EIF5B: variants seen among roughly 807,000 people sequenced by gnomAD.
EIF5B encodes the protein eIF-5B.
In EIF5B, 47 loss-of-function variants were observed where a neutral mutation model predicts 147.5. The ratio of observed to expected loss-of-function variants is 0.32; its 90% CI spans 0.25 to 0.41. The LOEUF (loss-of-function observed/expected upper bound fraction) is 0.41. Among genes scored for constraint, EIF5B ranks in the 10% least tolerant of loss-of-function variants. The pLI, the probability that EIF5B is intolerant of heterozygous loss-of-function variation, is 1.00. For missense variants in EIF5B, 1,064 were observed against 1,413.2 expected (o/e 0.75, Z 3.96); for synonymous variants, 455 against 456.2 (o/e 1.00, Z 0.03).
intron 8 of EIF5B, 99 bp from the exon 9 acceptor site, chr2:99,371,557 T>G (rs1674452582): frequency 6.6e-6 from 6 of 910,690 alleles, no homozygotes; most frequent in African/African-American, 1.7e-5. Flanking sequence ...AATTAAAACA[T>G]TCTTTTTTTA....
chr2:99,343,783 C>G (rs2094266289), intron 1 of EIF5B, among the ~76,000 whole-genome samples: 1 of 151,500 alleles, frequency 6.6e-6, no homozygotes, highest in Admixed American at 6.6e-5. Context: ...CACTGCACGT[C>G]AGCCTGGGTG....
intron 1 of EIF5B, among the ~76,000 whole-genome samples, chr2:99,340,169 A>G (rs2094256656): frequency 6.6e-6 from 1 of 152,162 alleles, no homozygotes; most frequent in East Asian, 1.9e-4. Context: ...TTGGTCTTCC[A>G]CATGAGATAT....
chr2:99,400,655 T>A lies in EIF5B; in HGVS notation c.*1241T>A, dbSNP rs1359368112. ...GGACATAATGTTCCCAGGAAAAAAA[T>A]CTTCAAGTGGGTGTGAGGGTGTTTC... On this transcript the variant is annotated 3_prime_UTR_variant, in exon 24 of 24. Coordinates refer to ENST00000289371, the MANE Select transcript of EIF5B (RefSeq NM_015904.4). The A allele has an allele frequency of 6.6e-6, 1 of 152,002 alleles. No homozygotes were observed. The highest frequency in any genetic ancestry group is 2.4e-5 in the African/African-American group (1 of 41,374). 9.4% of individuals were successfully genotyped at this position (152,002 alleles called of 1,614,324 possible).
In EIF5B at chr2:99,346,589, CTTT is replaced by C. The variant is rs773411395; in HGVS notation, c.35+9025_35+9027del. ...TTATTTTAGAACATAAGTTGTATCT[CTTT>C]TTTTTTTTTTTTTTTTTTTTTTTTG... On this transcript the variant is annotated intron_variant, in intron 1 of 23. Transcript: ENST00000289371. Among the ~76,000 whole-genome samples the C allele has an allele frequency of 2.1e-3, 130 of 61,656 alleles. 1 individual carries two copies. Among genetic ancestry groups the C allele is most frequent in the African/African-American group, 8.4e-3 (123 of 14,562 alleles). 40.4% of individuals were successfully genotyped at this position (61,656 alleles called of 152,430 possible).
At chr2:99,359,030 T>C (rs1674149743) in intron 1 of EIF5B, among the ~76,000 whole-genome samples, 1 of 152,172 alleles carries the variant, frequency 6.6e-6, no homozygotes, top group South Asian at 2.1e-4. Context: ...CTTTTAATTA[T>C]ATTTATAATA....
Position 99,371,731 on chromosome 2 carries a change from G to T in EIF5B, c.1552+1G>T. 2 of 1,612,194 alleles carry T rather than the reference G, an allele frequency of 1.2e-6. No individual in the cohort carries two copies. Among genetic ancestry groups the T allele is most frequent in the Non-Finnish European group, 1.7e-6 (2 of 1,178,994 alleles). The stretch of plus-strand genomic sequence containing the variant: ...GCCAGTGATGAGGAGACAGAAAAAG[G>T]TGAATACCTCATAAGCACACACTGA... On this transcript the variant is annotated splice_donor_variant, in intron 9 of 23. Coordinates refer to ENST00000289371, the MANE Select transcript of EIF5B (RefSeq NM_015904.4). LOFTEE classifies it high-confidence loss of function.
intron 21 of EIF5B, 132 bp downstream of exon 21, chr2:99,395,015 G>C (rs932545848): frequency 1.1e-6 from 1 of 882,072 alleles, no homozygotes. Context: ...TCCTGAAATG[G>C]TGTGTTACAA....
rs180955882 is a variant in EIF5B at position 99,355,651 on chromosome 2, C to T, written c.36-4585C>T. Among the ~76,000 whole-genome samples, 3 of 120,068 alleles carry T rather than the reference C, an allele frequency of 2.5e-5. No individual in the cohort carries two copies. In the Admixed American group the frequency reaches 3.5e-4, roughly 14 times the overall value. The allele number at this position is 120,068 out of a possible 152,430, so 78.8% of individuals were successfully genotyped here. On this transcript the variant is annotated intron_variant, in intron 1 of 23. Coordinates refer to ENST00000289371, the MANE Select transcript of EIF5B (RefSeq NM_015904.4). ...TTTTTGAGACAGAGTCTCATTCTGT[C>T]GCCCAGGCTGGAGTGCAGTGGTGTG...
chr2:99,369,594 G>A (rs1674400722), intron 8 of EIF5B, 113 bp downstream of exon 8: 1 of 738,870 alleles, frequency 1.4e-6, no homozygotes. Context: ...TAAGTATCTG[G>A]CTGGATGGCC....
rs1391474154 is a variant in EIF5B, at chr2:99,390,702, G to A, written c.2745G>A (p.Val915=). 2 of 1,599,768 alleles carry A rather than the reference G, an allele frequency of 1.3e-6. No individual in the cohort carries two copies. The highest frequency in any genetic ancestry group is 1.7e-5 in the Admixed American group (1 of 59,784). Reference sequence around the variant, plus strand: ...CTCCTCCTATGAAGGAATTACGAGTGAAGGTATGCTGAGGTGGGAAGCATT... The same window carrying A: ...CTCCTCCTATGAAGGAATTACGAGTAAAGGTATGCTGAGGTGGGAAGCATT... ...LLPPPMKELR[V]KNQYEKHKEV... The change falls in exon 17 of 24, where the codon GTG becomes GTA. Residue 915 remains valine, a synonymous_variant. Transcript: ENST00000289371.
Position 99,399,814 on chromosome 2 carries a change from T to C in EIF5B, c.*400T>C, listed in dbSNP as rs973040249. On this transcript the variant is annotated 3_prime_UTR_variant, in exon 24 of 24. Coordinates refer to ENST00000289371, the MANE Select transcript of EIF5B (RefSeq NM_015904.4). Reference sequence around the variant, plus strand: ...AGATTTTGTGATTCTTGGGACTTTTTTGACGTAAGAAATACTTCTTTATTT... The same window carrying C: ...AGATTTTGTGATTCTTGGGACTTTTCTGACGTAAGAAATACTTCTTTATTT... 1 of 157,294 alleles carries C rather than the reference T, an allele frequency of 6.4e-6. No individual in the cohort carries two copies. The highest frequency in any genetic ancestry group is 2.4e-5 in the African/African-American group (1 of 41,588). 9.7% of individuals were successfully genotyped at this position (157,294 alleles called of 1,614,324 possible).
intron 1 of EIF5B, among the ~76,000 whole-genome samples, chr2:99,339,122 C>A (rs961988107): frequency 6.6e-6 from 1 of 150,790 alleles, no homozygotes; most frequent in Non-Finnish European, 1.5e-5. Flanking sequence ...TCAAGCGATT[C>A]TCCTGCCTCA....
chr2:99,371,741 C>G lies in EIF5B; in HGVS notation c.1552+11C>G, dbSNP rs781596464. On this transcript the variant is annotated intron_variant, in intron 9 of 23. Transcript: ENST00000289371. ...AGGAGACAGAAAAAGGTGAATACCT[C>G]ATAAGCACACACTGATACATCCAGT... 5.0e-6 allele frequency: 8 copies of G among 1,607,700 alleles called. No homozygotes were observed.
At chr2:99,396,483 C>T (rs760450341) in intron 21 of EIF5B, among the ~76,000 whole-genome samples, 1 of 152,202 alleles carries the variant, frequency 6.6e-6, no homozygotes, top group Non-Finnish European at 1.5e-5. Context: ...GAACAGAATG[C>T]TCCTGTGATG....
At position 99,355,651 on chromosome 2, in the gene EIF5B, C is replaced by A. The variant is rs180955882; in HGVS notation, c.36-4585C>A. ...TTTTTGAGACAGAGTCTCATTCTGT[C>A]GCCCAGGCTGGAGTGCAGTGGTGTG... On this transcript the variant is annotated intron_variant, in intron 1 of 23. Coordinates refer to ENST00000289371, the MANE Select transcript of EIF5B (RefSeq NM_015904.4). Among the ~76,000 whole-genome samples, 3 of 120,112 alleles carry A rather than the reference C, an allele frequency of 2.5e-5. No individual in the cohort carries two copies. In the Admixed American group the frequency reaches 3.5e-4, roughly 14 times the overall value. The allele number at this position is 120,112 out of a possible 152,430, so 78.8% of individuals were successfully genotyped here.
At position 99,343,935 on chromosome 2, in the gene EIF5B, T is replaced by C. The variant is rs549068700; in HGVS notation, c.35+6346T>C. On this transcript the variant is annotated intron_variant, in intron 1 of 23. Transcript: ENST00000289371. ...GGGTTCATCTGCATTCTTTTTTTTT[T>C]TGAGACGGAGTCTCGCTCTGTCGCC... 7.2e-5 allele frequency among the ~76,000 whole-genome samples: 11 copies of C among 152,222 alleles called. No individual in the cohort carries two copies. In the South Asian group the frequency reaches 2.3e-3, roughly 32 times the overall value.
At chr2:99,375,580 C>T (rs1454752975) in intron 9 of EIF5B, among the ~76,000 whole-genome samples, 10 of 152,188 alleles carry the variant, frequency 6.6e-5, no homozygotes, top group Non-Finnish European at 5.9e-5. Context: ...TCTGCCTCTT[C>T]CCGAATCAAC....
At chr2:99,350,396 T>TC (rs35975114) in intron 1 of EIF5B, among the ~76,000 whole-genome samples, 1 of 151,910 alleles carries the variant, frequency 6.6e-6, no homozygotes, top group Admixed American at 6.6e-5. Context: ...AATTTACATT[T>TC]CCCCCCACAG....
intron 1 of EIF5B, among the ~76,000 whole-genome samples, chr2:99,342,126 A>G (rs2094260962): frequency 6.6e-6 from 1 of 152,234 alleles, no homozygotes; most frequent in African/African-American, 2.4e-5. Flanking sequence ...ACCATCGTTC[A>G]TGTATGTCTT....
Sources: allele counts gnomAD v4.1 joint callset (sites outside exome capture counted in the v4.1 genomes callset), GRCh38; gene constraint gnomAD v4.1.1; transcripts MANE v1.5; gene names NCBI Gene and HGNC (gene_info 2026-07-23, HGNC 2026-07-21).